The following ZNF423 variants were observed in gnomAD, a reference collection of about 807,000 sequenced individuals.
The protein encoded by ZNF423 is zinc finger protein 423.
ZNF423 carries 12 observed loss-of-function variants against 95.8 expected under a neutral mutation model. That is an observed-to-expected ratio of 0.13 (90% CI 0.08 to 0.20). The LOEUF is 0.20. Ranked by LOEUF, ZNF423 falls within the 10% of genes least tolerant of loss-of-function variation. ZNF423 has a pLI of 1.00. For synonymous variants in ZNF423, 749 were observed against 711.9 expected (o/e 1.05, Z -0.83); for missense variants, 1,316 against 1,737.1 (o/e 0.76, Z 4.31).
At chr16:49,545,876 C>G (rs1006217756) in intron 5 of ZNF423, among the ~76,000 whole-genome samples, 5 of 152,200 alleles carry the variant, frequency 3.3e-5, no homozygotes, top group Non-Finnish European at 7.3e-5. Context: ...AAAATCTCTA[C>G]GAGGAGGTCA....
chr16:49,626,267 C>G lies in ZNF423; in HGVS notation c.3517-13G>C. On this transcript the variant is annotated splice_polypyrimidine_tract_variant and intron_variant, in intron 4 of 7. Coordinates refer to ENST00000563137, the MANE Select transcript of ZNF423 (RefSeq NM_001379286.1). ...GGTATGTCTTTTTCTGTTTGGAAACCAAAAATAAAAGATTTAGAGAGGCAG... is the reference window on the plus strand; with the variant it reads ...GGTATGTCTTTTTCTGTTTGGAAACGAAAAATAAAAGATTTAGAGAGGCAG... The G allele has an allele frequency of 6.2e-7, 1 of 1,612,608 alleles. No individual in the cohort carries two copies.
intron 1 of ZNF423, among the ~76,000 whole-genome samples, chr16:49,848,850 T>C (rs1395847248): frequency 6.6e-6 from 1 of 152,114 alleles, no homozygotes; most frequent in Non-Finnish European, 1.5e-5. Flanking sequence ...GGGCAGCACC[T>C]CGCACCGCAG....
At chr16:49,643,155 C>T (rs1567527951) in intron 3 of ZNF423, among the ~76,000 whole-genome samples, 1 of 152,098 alleles carries the variant, frequency 6.6e-6, no homozygotes, top group Non-Finnish European at 1.5e-5. Flanking sequence ...TGACACTTTC[C>T]TCATGCTGGA....
chr16:49,768,638 A>G (rs2033973531), intron 2 of ZNF423, among the ~76,000 whole-genome samples: 1 of 151,728 alleles, frequency 6.6e-6, no homozygotes, highest in Non-Finnish European at 1.5e-5. Flanking sequence ...TCATCATCCC[A>G]TCCTTCAACG....
At chr16:49,565,323 C>A (rs950809178) in intron 5 of ZNF423, among the ~76,000 whole-genome samples, 1 of 152,202 alleles carries the variant, frequency 6.6e-6, no homozygotes, top group Non-Finnish European at 1.5e-5. Context: ...CCCGAACAAC[C>A]AGGAAACTTT....
chr16:49,629,481 C>G (rs1461490670), intron 4 of ZNF423, among the ~76,000 whole-genome samples: 6 of 152,180 alleles, frequency 3.9e-5, no homozygotes, highest in Admixed American at 2.6e-4. Flanking sequence ...TGTGCTGGTT[C>G]CTCTATGTGC....
At chr16:49,564,514 T>C (rs925299609) in intron 5 of ZNF423, among the ~76,000 whole-genome samples, 2 of 152,132 alleles carry the variant, frequency 1.3e-5, no homozygotes, top group Admixed American at 6.5e-5. Context: ...CTTAAACATA[T>C]GAAATCAAAA....
At chr16:49,599,517 C>G (rs1971288953) in intron 5 of ZNF423, among the ~76,000 whole-genome samples, 1 of 152,124 alleles carries the variant, frequency 6.6e-6, no homozygotes, top group African/African-American at 2.4e-5. Flanking sequence ...GAGCCGGATC[C>G]CAAGACCCCA....
chr16:49,794,675 G>A (rs1007624238), intron 1 of ZNF423, among the ~76,000 whole-genome samples: 19 of 152,190 alleles, frequency 1.2e-4, no homozygotes, highest in Non-Finnish European at 1.9e-4. Context: ...GCTCCTGCTC[G>A]TGATTCCCAG....
intron 4 of ZNF423, among the ~76,000 whole-genome samples, chr16:49,634,204 CTTTTTTTTTTT>C (rs528621494): frequency 8.8e-6 from 1 of 114,250 alleles, no homozygotes; most frequent in East Asian, 2.5e-4. Context: ...CCACACCTGG[CTTTTTTTTTTT>C]TTTTTTTTTA....
intron 3 of ZNF423, among the ~76,000 whole-genome samples, chr16:49,671,649 C>T (rs558166559): frequency 5.3e-5 from 8 of 152,262 alleles, no homozygotes; most frequent in East Asian, 1.9e-4. Context: ...GCAATTATTC[C>T]GGGAGAGGTG....
At chr16:49,816,885 C>G (rs1388299165) in intron 1 of ZNF423, among the ~76,000 whole-genome samples, 1 of 152,126 alleles carries the variant, frequency 6.6e-6, no homozygotes, top group Non-Finnish European at 1.5e-5. Context: ...ATAATAATAA[C>G]AATAACGGTA....
chr16:49,845,965 T>G (rs1567369844), intron 1 of ZNF423, among the ~76,000 whole-genome samples: 1 of 152,032 alleles, frequency 6.6e-6, no homozygotes, highest in South Asian at 2.1e-4. Flanking sequence ...ACTGGGGATT[T>G]GAGCTATTCA....
Position 49,636,995 on chromosome 16 carries a change from C to A in ZNF423, c.2181G>T (p.Leu727Phe). Residue 727 changes from leucine to phenylalanine, a missense_variant, in exon 4 of 8, where the codon TTG becomes TTT. Around this residue, in one of 6 missense-constraint regions of ZNF423, gnomAD observed 620 missense variants for 775.6 expected, o/e 0.80. Coordinates refer to ENST00000563137, the MANE Select transcript of ZNF423 (RefSeq NM_001379286.1). This position sits in a 1 kb window ranked among gnomAD's most constrained non-coding sequence, Gnocchi z 8.6. ...CCTCCTGACACAGGGTGCAGTGGTA[C>A]AACACAAAGGTGTGCATGTCCAGCA... ...KHLLDMHTFV[L>F]YHCTLCQEVF... 1 of 1,613,860 alleles carries A rather than the reference C, an allele frequency of 6.2e-7. No homozygotes were observed. The highest frequency in any genetic ancestry group is 8.5e-7 in the Non-Finnish European group (1 of 1,180,022).
rs554901586 is a variant in ZNF423 at position 49,796,336 on chromosome 16, G to C, written c.41-6790C>G. Among the ~76,000 whole-genome samples the C allele has an allele frequency of 7.7e-4, 117 of 152,258 alleles. 1 individual carries two copies. The highest frequency in any genetic ancestry group is 2.4e-3 in the African/African-American group (98 of 41,576). On this transcript the variant is annotated intron_variant, in intron 1 of 7. Coordinates refer to ENST00000563137, the MANE Select transcript of ZNF423 (RefSeq NM_001379286.1). ...AGCAAGTGGCACTAGGCAGACACCT[G>C]CATGCACCACCTCCTCCAGGTCACT...
chr16:49,813,059 T>TC (rs2034778900), intron 1 of ZNF423, among the ~76,000 whole-genome samples: 1 of 152,126 alleles, frequency 6.6e-6, no homozygotes, highest in South Asian at 2.1e-4. Flanking sequence ...ATTTTTGCCT[T>TC]CCCACCTTGG....
intron 1 of ZNF423, among the ~76,000 whole-genome samples, chr16:49,797,175 A>G (rs1567347774): frequency 6.6e-6 from 1 of 152,202 alleles, no homozygotes; most frequent in Non-Finnish European, 1.5e-5. Context: ...ATTGTCAAGC[A>G]TGAAACAGAG....
chr16:49,535,760 C>T (rs868015293), intron 5 of ZNF423, among the ~76,000 whole-genome samples: 2 of 152,204 alleles, frequency 1.3e-5, no homozygotes, highest in African/African-American at 4.8e-5. Context: ...CCACTACATC[C>T]TGGGGATCCA....
intron 7 of ZNF423, among the ~76,000 whole-genome samples, chr16:49,519,333 AACGTTT>A (rs1968288136): frequency 1.3e-5 from 2 of 152,188 alleles, no homozygotes; most frequent in African/African-American, 4.8e-5. Flanking sequence ...ACGGTAAATG[AACGTTT>A]AACTTTATAA....
Sources: allele counts gnomAD v4.1 joint callset (sites outside exome capture counted in the v4.1 genomes callset), GRCh38; gene constraint gnomAD v4.1.1; regional missense constraint gnomAD v4.1.1; non-coding constraint Gnocchi (gnomAD v3.1); transcripts MANE v1.5; gene names NCBI Gene and HGNC (gene_info 2026-07-23, HGNC 2026-07-21).